ARHGEF38: variants seen among roughly 807,000 people sequenced by gnomAD.
ARHGEF38 encodes the protein Rho guanine nucleotide exchange factor (GEF) 38.
A neutral mutation model predicts 79.9 loss-of-function variants in ARHGEF38; 79 were observed. The observed-to-expected ratio is 0.99, with a 90% CI of 0.82 to 1.19. The LOEUF (loss-of-function observed/expected upper bound fraction) is 1.19, where lower values mean the gene tolerates loss of function less well. Ranked by LOEUF, ARHGEF38 falls within the 50% of genes most tolerant of loss-of-function variation. The pLI is 0.00. For missense variants in ARHGEF38, 962 were observed against 907.2 expected, an observed-to-expected ratio of 1.06 and a Z score of -0.78; for synonymous variants, 366 against 328.3, an observed-to-expected ratio of 1.11 and a Z score of -1.24.
intron 10 of ARHGEF38, among the ~76,000 whole-genome samples, chr4:105,662,001 A>G (rs954751527): frequency 1.7e-4 from 26 of 152,126 alleles, no homozygotes; most frequent in African/African-American, 6.0e-4. Flanking sequence ...CTCTGTGTCA[A>G]AGGGTAAAGA....
chr4:105,651,923 T>A (rs1239138789), intron 7 of ARHGEF38, among the ~76,000 whole-genome samples: 1 of 152,204 alleles, frequency 6.6e-6, no homozygotes, highest in African/African-American at 2.4e-5. Context: ...AAACATATTG[T>A]TTTCATTTGC....
In ARHGEF38 at chr4:105,654,167, C is replaced by A. The variant is rs1321148925; in HGVS notation, c.1111C>A (p.Gln371Lys). Residue 371 changes from glutamine (Q) to lysine (K), a missense_variant and splice_region_variant, in exon 8 of 14, where the codon CAG (glutamine) becomes AAG (lysine). Physicochemically the swap from Gln to Lys is moderately conservative, Grantham distance 53 (BLOSUM62 1). Coordinates refer to ENST00000420470, the MANE Select transcript of ARHGEF38 (RefSeq NM_001242729.2). ...CATTTCACTCTGTCTTCAACACATA[C>A]AGGTAGGTGAGACACAACTGTTTTC... ...KNISLCLQHI[Q>K]DAMPLALQSV... The A allele has an allele frequency of 1.4e-6, 2 of 1,464,136 alleles. No individual in the cohort carries two copies. Among genetic ancestry groups the A allele is most frequent in the Non-Finnish European group, 1.8e-6 (2 of 1,098,600 alleles). The allele number at this position is 1,464,136 out of a possible 1,614,324, so 90.7% of individuals were successfully genotyped here.
At chr4:105,575,370 C>T (rs1052072188) in intron 1 of ARHGEF38, among the ~76,000 whole-genome samples, 1 of 152,134 alleles carries the variant, frequency 6.6e-6, no homozygotes. Flanking sequence ...AAGATGGTAT[C>T]CCATTGTGGC....
chr4:105,572,526 T>A (rs992758455), intron 1 of ARHGEF38, among the ~76,000 whole-genome samples: 1 of 152,116 alleles, frequency 6.6e-6, no homozygotes, highest in Non-Finnish European at 1.5e-5. Context: ...TCTGTAACTA[T>A]TAAACAATAA....
At position 105,665,472 on chromosome 4, in the gene ARHGEF38, G is replaced by GA. The variant is rs201955561; in HGVS notation, c.1546-695dup. ...AAATCGTGCCTCTGCACTCCAGCCT[G>GA]AAAAAAAAAATTTTTTTTTTAGTAG... On this transcript the variant is annotated intron_variant, in intron 10 of 13. Coordinates refer to ENST00000420470, the MANE Select transcript of ARHGEF38 (RefSeq NM_001242729.2). Among the ~76,000 whole-genome samples, 45 of 150,682 alleles carry GA rather than the reference G, an allele frequency of 3.0e-4. No individual in the cohort carries two copies. In the East Asian group the frequency reaches 4.5e-3, roughly 15 times the overall value.
chr4:105,631,552 T>C, intron 4 of ARHGEF38: 1 of 985,482 alleles, frequency 1.0e-6, no homozygotes, highest in Non-Finnish European at 1.2e-6. Context: ...CCTTCCTTTC[T>C]CATCCCTAAA....
chr4:105,577,165 T>G (rs940578631), intron 1 of ARHGEF38, among the ~76,000 whole-genome samples: 1 of 151,494 alleles, frequency 6.6e-6, no homozygotes, highest in Non-Finnish European at 1.5e-5. Flanking sequence ...GTTAGTTACA[T>G]ATGTATACAT....
At chr4:105,620,587 C>T (rs1578319479) in intron 3 of ARHGEF38, among the ~76,000 whole-genome samples, 1 of 152,068 alleles carries the variant, frequency 6.6e-6, no homozygotes, top group East Asian at 1.9e-4. Context: ...TCTTAGAGGT[C>T]CTGATCATGT....
chr4:105,615,176 G>T (rs1318250592), intron 3 of ARHGEF38, among the ~76,000 whole-genome samples: 1 of 152,176 alleles, frequency 6.6e-6, no homozygotes, highest in Non-Finnish European at 1.5e-5. Flanking sequence ...AGCAAGAAAT[G>T]AGAAATGAAC....
intron 5 of ARHGEF38, among the ~76,000 whole-genome samples, chr4:105,638,557 C>T (rs1729491843): frequency 6.6e-6 from 1 of 151,846 alleles, no homozygotes; most frequent in African/African-American, 2.4e-5. Flanking sequence ...ATTGAAGAAA[C>T]ATTGCAAAAA....
In ARHGEF38 at chr4:105,600,216, C is replaced by T. The variant is rs543874097; in HGVS notation, c.384+10781C>T. Among the ~76,000 whole-genome samples, 7 of 152,260 alleles carry T rather than the reference C, an allele frequency of 4.6e-5. No individual in the cohort carries two copies. The South Asian group carries it at 1.5e-3, about 32-fold the overall frequency. On this transcript the variant is annotated intron_variant, in intron 2 of 13. Transcript: ENST00000420470. ...TGTGGCCAAGAAAATGACTCATAAA[C>T]ATATAAAACACAAATAACAATCAAA... is the stretch of plus-strand genomic sequence containing the variant.
At chr4:105,665,275 A>T (rs1302250094) in intron 10 of ARHGEF38, among the ~76,000 whole-genome samples, 2 of 152,026 alleles carry the variant, frequency 1.3e-5, no homozygotes, top group Non-Finnish European at 2.9e-5. Context: ...CGGGCGGATC[A>T]TGAGATCAGG....
At chr4:105,632,056 C>A (rs371620294) in intron 4 of ARHGEF38, among the ~76,000 whole-genome samples, 7 of 152,080 alleles carry the variant, frequency 4.6e-5, no homozygotes, top group African/African-American at 1.7e-4. Flanking sequence ...GGGATCCTAA[C>A]GTGGTACAAG....
At chr4:105,646,088 A>C (rs945334615) in intron 6 of ARHGEF38, among the ~76,000 whole-genome samples, 1 of 152,196 alleles carries the variant, frequency 6.6e-6, no homozygotes, top group Non-Finnish European at 1.5e-5. Flanking sequence ...TTGTACTGCT[A>C]TTATTAAATC....
intron 13 of ARHGEF38, among the ~76,000 whole-genome samples, chr4:105,669,275 T>C (rs1730878245): frequency 6.6e-6 from 1 of 152,194 alleles, no homozygotes; most frequent in South Asian, 2.1e-4. Context: ...TAAAAAGCTC[T>C]ACACAGTATT....
chr4:105,668,228 C>A (rs977964790), intron 13 of ARHGEF38, among the ~76,000 whole-genome samples: 5 of 151,972 alleles, frequency 3.3e-5, no homozygotes, highest in Non-Finnish European at 7.4e-5. Flanking sequence ...GTCGCCCAGG[C>A]TGGAGTGCAG....
intron 3 of ARHGEF38, among the ~76,000 whole-genome samples, chr4:105,628,406 C>T (rs1729040615): frequency 6.6e-6 from 1 of 152,198 alleles, no homozygotes; most frequent in African/African-American, 2.4e-5. Context: ...GCCAAAGCCA[C>T]TAGTTCCCAT....
At chr4:105,591,429 C>T (rs1727330418) in intron 2 of ARHGEF38, among the ~76,000 whole-genome samples, 1 of 152,176 alleles carries the variant, frequency 6.6e-6, no homozygotes, top group African/African-American at 2.4e-5. Context: ...CGGGGTTTCA[C>T]AGTGTTAGCC....
At chr4:105,629,105 C>T (rs1056431921) in intron 3 of ARHGEF38, among the ~76,000 whole-genome samples, 18 of 152,040 alleles carry the variant, frequency 1.2e-4, no homozygotes, top group East Asian at 5.8e-4. Context: ...TAACCAAAAA[C>T]GACTAGTACC....
Sources: gnomAD v4.1 joint callset for allele counts (sites outside exome capture counted in the v4.1 genomes callset) on GRCh38, gnomAD v4.1.1 for gene constraint, MANE v1.5 for transcripts, NCBI Gene and HGNC (gene_info 2026-07-23, HGNC 2026-07-21) for gene names.